CSMD3: variants seen among roughly 807,000 people sequenced by gnomAD.
CSMD3 encodes the protein CUB and sushi domain-containing protein 3.
A neutral mutation model predicts 435.2 loss-of-function variants in CSMD3; 177 were observed. That is an observed-to-expected ratio of 0.41 (90% CI 0.36 to 0.46). The LOEUF is 0.46. Ranked by LOEUF, CSMD3 falls within the 20% of genes least tolerant of loss-of-function variation. The probability of loss-of-function intolerance (pLI) is 0.34; values close to 1 mark genes in which losing one functional copy is unlikely to be tolerated. For missense variants in CSMD3, 4,265 were observed against 4,504.6 expected (o/e 0.95, Z 1.52); for synonymous variants, 1,656 against 1,520.5 (o/e 1.09, Z -2.07).
chr8:112,786,625 A>G (rs1337724458), intron 13 of CSMD3, among the ~76,000 whole-genome samples: 1 of 152,174 alleles, frequency 6.6e-6, no homozygotes, highest in Admixed American at 6.6e-5. Context: ...ATATTTCTCA[A>G]AAGAAGACAT....
intron 22 of CSMD3, among the ~76,000 whole-genome samples, chr8:112,628,117 T>C (rs572499847): frequency 6.6e-6 from 1 of 152,278 alleles, no homozygotes; most frequent in East Asian, 1.9e-4. Context: ...ATAGGACATG[T>C]GTATTGGTCC....
chr8:112,229,772 G>T lies in CSMD3; in HGVS notation c.10829-881C>A, dbSNP rs1812915014. On this transcript the variant is annotated intron_variant, in intron 69 of 70. Coordinates refer to ENST00000297405, the MANE Select transcript of CSMD3 (RefSeq NM_198123.2). ...AGTGAGGAACAACTGAAGGTGTTTA[G>T]AAATAAAAGACCCAGTGATATGACA... Among the ~76,000 whole-genome samples the T allele has an allele frequency of 2.0e-5, 3 of 151,878 alleles. No individual in the cohort carries two copies. The South Asian group carries it at 6.2e-4, about 32-fold the overall frequency.
intron 10 of CSMD3, among the ~76,000 whole-genome samples, chr8:112,872,725 G>A (rs2081171440): frequency 6.6e-6 from 1 of 151,896 alleles, no homozygotes; most frequent in Non-Finnish European, 1.5e-5. Context: ...AATAAGTCAT[G>A]TGAATTACTT....
intron 38 of CSMD3, among the ~76,000 whole-genome samples, chr8:112,365,467 CCT>C (rs1563846125): frequency 2.7e-5 from 3 of 109,806 alleles, no homozygotes; most frequent in African/African-American, 1.2e-4. Context: ...GCATAGATTT[CCT>C]TTTTTTTTTT....
intron 27 of CSMD3, among the ~76,000 whole-genome samples, chr8:112,529,819 A>G (rs572438643): frequency 6.6e-6 from 1 of 152,302 alleles, no homozygotes; most frequent in East Asian, 1.9e-4. Flanking sequence ...CAAAGGAATA[A>G]GATAAATCTC....
intron 58 of CSMD3, among the ~76,000 whole-genome samples, chr8:112,286,800 A>T (rs746252183): frequency 5.3e-5 from 8 of 152,124 alleles, no homozygotes; most frequent in Non-Finnish European, 8.8e-5. Flanking sequence ...TTTTTAACAA[A>T]TATATATTAC....
At chr8:113,428,238 ATCTATCTATCTATCTATCTATCTT>A (rs1194924344) in intron 1 of CSMD3, among the ~76,000 whole-genome samples, 23 of 150,914 alleles carry the variant, frequency 1.5e-4, no homozygotes, top group African/African-American at 5.4e-4. Context: ...CTATCTATCT[ATCTATCTATCTATCTATCTATCTT>A]TCTGTCTAAT....
At chr8:113,357,458 C>T (rs1319793737) in intron 1 of CSMD3, among the ~76,000 whole-genome samples, 1 of 152,054 alleles carries the variant, frequency 6.6e-6, no homozygotes, top group East Asian at 1.9e-4. Flanking sequence ...ACTGGTGTGA[C>T]AGGGGAAATT....
chr8:113,361,426 T>C (rs938781690), intron 1 of CSMD3, among the ~76,000 whole-genome samples: 1 of 152,138 alleles, frequency 6.6e-6, no homozygotes, highest in Non-Finnish European at 1.5e-5. Context: ...TCCTTAAATA[T>C]TCTTAACAAA....
chr8:113,199,814 T>A (rs1012833693), intron 3 of CSMD3, among the ~76,000 whole-genome samples: 2 of 151,814 alleles, frequency 1.3e-5, no homozygotes, highest in African/African-American at 4.8e-5. Context: ...GGAAATGGAA[T>A]ACATTAAAAA....
chr8:112,698,324 A>G (rs75792350), intron 13 of CSMD3, among the ~76,000 whole-genome samples: 266 of 152,278 alleles, frequency 1.7e-3, no homozygotes, highest in Non-Finnish European at 2.9e-3. Context: ...AACTAGATAT[A>G]AATGGGTGGA....
At chr8:112,387,989 A>G (rs1215337950) in intron 36 of CSMD3, among the ~76,000 whole-genome samples, 1 of 152,204 alleles carries the variant, frequency 6.6e-6, no homozygotes, top group African/African-American at 2.4e-5. Flanking sequence ...TAGTAGTAAC[A>G]TTGAAATATG....
intron 35 of CSMD3, among the ~76,000 whole-genome samples, chr8:112,392,836 C>G (rs1830539901): frequency 6.6e-6 from 1 of 150,548 alleles, no homozygotes; most frequent in South Asian, 2.1e-4. Flanking sequence ...TGTCTGAATT[C>G]ACAGCTCACA....
chr8:112,817,307 T>C (rs895378605), intron 12 of CSMD3, among the ~76,000 whole-genome samples: 3 of 152,028 alleles, frequency 2.0e-5, no homozygotes, highest in African/African-American at 7.2e-5. Context: ...ATAATCAACA[T>C]CTCCTGGAGA....
chr8:112,948,793 G>A (rs144383044), intron 8 of CSMD3, among the ~76,000 whole-genome samples: 1 of 152,012 alleles, frequency 6.6e-6, no homozygotes, highest in Non-Finnish European at 1.5e-5. Context: ...GTCCTCCACT[G>A]TGAACTGAAA....
At chr8:112,514,427 T>C (rs906552946) in intron 28 of CSMD3, among the ~76,000 whole-genome samples, 3 of 152,178 alleles carry the variant, frequency 2.0e-5, no homozygotes, top group African/African-American at 7.2e-5. Flanking sequence ...GAATTAAGTT[T>C]TCAGTAATTT....
intron 6 of CSMD3, among the ~76,000 whole-genome samples, chr8:113,008,390 C>T (rs970915098): frequency 2.0e-5 from 3 of 151,836 alleles, no homozygotes; most frequent in Non-Finnish European, 4.4e-5. Context: ...TTCTTATTTT[C>T]TTATAATTGG....
At chr8:112,523,533 C>A (rs1001856329) in intron 27 of CSMD3, among the ~76,000 whole-genome samples, 1 of 151,856 alleles carries the variant, frequency 6.6e-6, no homozygotes, top group Non-Finnish European at 1.5e-5. Flanking sequence ...AGCTTTATTG[C>A]CTTATATTTT....
chr8:113,180,168 A>T (rs2092403774), intron 3 of CSMD3, among the ~76,000 whole-genome samples: 2 of 151,992 alleles, frequency 1.3e-5, no homozygotes, highest in South Asian at 4.1e-4. Flanking sequence ...TATTTCCCAG[A>T]TGATTAAAAA....
Sources: gnomAD v4.1 joint callset for allele counts (sites outside exome capture counted in the v4.1 genomes callset) on GRCh38, gnomAD v4.1.1 for gene constraint, MANE v1.5 for transcripts, NCBI Gene and HGNC (gene_info 2026-07-23, HGNC 2026-07-21) for gene names.